The following GBP7 variants were observed in gnomAD, a reference collection of about 807,000 sequenced individuals.
GBP7 encodes the protein guanylate-binding protein 7.
Under a neutral mutation model 61.3 loss-of-function variants are expected in GBP7, and 43 were observed. The observed-to-expected ratio is 0.70, with a 90% CI of 0.55 to 0.91. GBP7 has a LOEUF of 0.91. Ranked by LOEUF, GBP7 falls within the 40% of genes least tolerant of loss-of-function variation. The pLI, the probability that GBP7 is intolerant of heterozygous loss-of-function variation, is 0.00. For missense variants in GBP7, 717 were observed against 740.5 expected (o/e 0.97, Z 0.37); for synonymous variants, 267 against 271.0 (o/e 0.99, Z 0.14).
chr1:89,168,974 T>TAAAA (rs374172595), intron 2 of GBP7, among the ~76,000 whole-genome samples: 145 of 68,386 alleles, frequency 2.1e-3, no homozygotes, highest in African/African-American at 9.1e-3. Flanking sequence ...CGCCTCAAGT[T>TAAAA]AAAAAAAAAA....
At chr1:89,154,028 G>C (rs999015307) in intron 3 of GBP7, among the ~76,000 whole-genome samples, 8 of 152,146 alleles carry the variant, frequency 5.3e-5, no homozygotes, top group Non-Finnish European at 1.0e-4. Context: ...AGAAGACAAG[G>C]CTGGAAATAA....
rs1471013959 is a variant in GBP7 at position 89,160,125 on chromosome 1, A to G, written c.318+4606T>C. On this transcript the variant is annotated intron_variant, in intron 3 of 10. Transcript: ENST00000294671. ...CTATCACAAGGTCAGAAAAGCAAACACCGCATGTTCTCACTCATAGGTGGG... is the reference window on the plus strand; with the variant it reads ...CTATCACAAGGTCAGAAAAGCAAACGCCGCATGTTCTCACTCATAGGTGGG... Among the ~76,000 whole-genome samples, 4 of 152,144 alleles carry G rather than the reference A, an allele frequency of 2.6e-5. No individual in the cohort carries two copies. The East Asian group carries it at 5.8e-4, about 22-fold the overall frequency.
chr1:89,156,069 A>G (rs1385984926), intron 3 of GBP7, among the ~76,000 whole-genome samples: 2 of 152,212 alleles, frequency 1.3e-5, no homozygotes, highest in African/African-American at 4.8e-5. Flanking sequence ...TCTTAAAAGA[A>G]TTTTCAACCC....
chr1:89,166,731 T>C (rs753811985), intron 2 of GBP7, among the ~76,000 whole-genome samples: 2 of 152,206 alleles, frequency 1.3e-5, no homozygotes, highest in Non-Finnish European at 2.9e-5. Context: ...ATGTTGCCAA[T>C]CCACAACCTT....
intron 10 of GBP7, 47 bp downstream of exon 10, chr1:89,133,211 G>A: frequency 6.8e-7 from 1 of 1,467,318 alleles, no homozygotes; most frequent in Non-Finnish European, 9.4e-7. Flanking sequence ...CCTAAATGAG[G>A]AACTGGCATT....
Position 89,131,951 on chromosome 1 carries a change from A to C in GBP7, c.*198T>G. ...TGCTTTACTTAAATCTTTTCTAGGA[A>C]TAATTTTATCTTCTAACTTGTTCCC... On this transcript the variant is annotated 3_prime_UTR_variant, in exon 11 of 11. Coordinates refer to ENST00000294671, the MANE Select transcript of GBP7 (RefSeq NM_207398.3). 1 of 432,984 alleles carries C rather than the reference A, an allele frequency of 2.3e-6. No homozygotes were observed. The highest frequency in any genetic ancestry group is 4.0e-6 in the Non-Finnish European group (1 of 246,988). The allele number at this position is 432,984 out of a possible 1,614,324, so 26.8% of individuals were successfully genotyped here. A position where few individuals can be genotyped will look rare whatever the true frequency, so the allele number is the denominator to read the frequency against.
intron 9 of GBP7, among the ~76,000 whole-genome samples, chr1:89,136,488 G>T (rs536145828): frequency 3.6e-4 from 55 of 151,514 alleles, no homozygotes; most frequent in African/African-American, 1.2e-3. Flanking sequence ...TGTAAAAATA[G>T]AAATCAATAC....
rs555524776 is a variant in GBP7 at position 89,161,070 on chromosome 1, A to T, written c.318+3661T>A. ...CTGTTCCTGCATCCATTTGCTAAGGATAATGACCTCCAGCTCCATCCATAC... is the reference window on the plus strand; with the variant it reads ...CTGTTCCTGCATCCATTTGCTAAGGTTAATGACCTCCAGCTCCATCCATAC... On this transcript the variant is annotated intron_variant, in intron 3 of 10. Transcript: ENST00000294671. Among the ~76,000 whole-genome samples the T allele has an allele frequency of 2.0e-5, 3 of 152,202 alleles. No homozygotes were observed. The South Asian group carries it at 6.2e-4, about 32-fold the overall frequency.
intron 9 of GBP7, among the ~76,000 whole-genome samples, chr1:89,135,795 T>C (rs1681787225): frequency 6.6e-6 from 1 of 152,054 alleles, no homozygotes; most frequent in Non-Finnish European, 1.5e-5. Flanking sequence ...CAAGTGTGGA[T>C]CAAATCCACA....
chr1:89,164,566 T>C (rs1647366181), intron 3 of GBP7, among the ~76,000 whole-genome samples, 165 bp downstream of exon 3: 1 of 152,246 alleles, frequency 6.6e-6, no homozygotes, highest in Admixed American at 6.5e-5. Context: ...TCCAAAATAT[T>C]TGTGCTTACC....
chr1:89,161,075 G>A (rs2100655566), intron 3 of GBP7, among the ~76,000 whole-genome samples: 1 of 152,232 alleles, frequency 6.6e-6, no homozygotes, highest in East Asian at 1.9e-4. Context: ...TAAGGATAAT[G>A]ACCTCCAGCT....
rs750413268 is a variant in GBP7 at position 89,152,298 on chromosome 1, A to C, written c.595T>G (p.Tyr199Asp). 1.9e-6 allele frequency: 3 copies of C among 1,614,120 alleles called. No homozygotes were observed. The highest frequency in any genetic ancestry group is 2.5e-6 in the Non-Finnish European group (3 of 1,179,988). ...ATCAGCTTCAAGGCATTCTCCAGGT[A>C]CTCATCTTCTGTGATGGGGTGTCCA... ...LDGHPITEDEYLENALKLISG... is the reference protein window; with the variant it reads ...LDGHPITEDEDLENALKLISG... The change falls in exon 5 of 11, where the codon TAC becomes GAC. Residue 199 changes from tyrosine (Y) to aspartate (D), a missense_variant. Tyr to Asp is a radical substitution (Grantham distance 160, BLOSUM62 -3). Transcript: ENST00000294671.
rs186611210 is a variant in GBP7 at position 89,175,732 on chromosome 1, C to T, written c.-20+189G>A. On this transcript the variant is annotated intron_variant, in intron 1 of 10. Transcript: ENST00000294671. ...TCTCTGAATATCTGTTCCACCTCTG[C>T]TGAAGCCTAATCTGACACAGCAGGA... Among the ~76,000 whole-genome samples, 4 of 152,286 alleles carry T rather than the reference C, an allele frequency of 2.6e-5. No individual in the cohort carries two copies. The East Asian group carries it at 7.7e-4, about 29-fold the overall frequency.
intron 9 of GBP7, among the ~76,000 whole-genome samples, chr1:89,137,832 A>G (rs546653310): frequency 6.6e-6 from 1 of 152,136 alleles, no homozygotes; most frequent in South Asian, 2.1e-4. Context: ...AAAAAAAGTT[A>G]TCCAATAGGA....
chr1:89,173,927 T>C (rs1647670242), intron 1 of GBP7, among the ~76,000 whole-genome samples: 3 of 152,216 alleles, frequency 2.0e-5, no homozygotes, highest in Admixed American at 2.0e-4. Context: ...CCTCCATAGA[T>C]ACCCAATCTT....
At position 89,147,643 on chromosome 1, in the gene GBP7, C is replaced by G. The variant is rs186580098; in HGVS notation, c.1289G>C (p.Gly430Ala). The change falls in exon 8 of 11, where the codon GGG becomes GCG. Residue 430 changes from glycine to alanine, a missense_variant. Gly to Ala is a moderately conservative substitution (Grantham distance 60). Transcript: ENST00000294671. ...SISRGTFFVP[G>A]GHNIYLEAKK... ...TGCTTCTAAGTAGATATTGTGCCCC[C>G]CCGGAACAAAGAAAGTTCCTCTTGA... 20 of 1,614,016 alleles carry G rather than the reference C, an allele frequency of 1.2e-5. No homozygotes were observed. The highest frequency in any genetic ancestry group is 2.2e-5 in the East Asian group (1 of 44,888).
chr1:89,165,134 T>A (rs1316531836), intron 2 of GBP7, among the ~76,000 whole-genome samples: 1 of 152,178 alleles, frequency 6.6e-6, no homozygotes, highest in Admixed American at 6.5e-5. Context: ...CTGAAGTTAG[T>A]CCCTCCAATC....
chr1:89,134,604 GAA>G (rs57740811), intron 9 of GBP7, among the ~76,000 whole-genome samples: 3,531 of 143,290 alleles, frequency 0.025, 67 homozygotes, highest in East Asian at 0.087. Flanking sequence ...AAATCATCCA[GAA>G]AAAAAAAAAA....
At chr1:89,143,742 A>G (rs529609013) in intron 8 of GBP7, among the ~76,000 whole-genome samples, 4 of 152,246 alleles carry the variant, frequency 2.6e-5, no homozygotes, top group African/African-American at 9.6e-5. Flanking sequence ...CTTTTAAATG[A>G]CCAGACCTCC....
Sources: gnomAD v4.1 joint callset for allele counts (sites outside exome capture counted in the v4.1 genomes callset) on GRCh38, gnomAD v4.1.1 for gene constraint, MANE v1.5 for transcripts, NCBI Gene and HGNC (gene_info 2026-07-23, HGNC 2026-07-21) for gene names.